ATRNL1: variants seen among roughly 807,000 people sequenced by gnomAD.
ATRNL1 encodes attractin-like protein 1.
A neutral mutation model predicts 182.7 loss-of-function variants in ATRNL1; 95 were observed. The ratio of observed to expected loss-of-function variants is 0.52; its 90% CI spans 0.44 to 0.62. The LOEUF is 0.62. Among genes scored for constraint, ATRNL1 ranks in the 20% least tolerant of loss-of-function variants. The pLI is 0.00. For synonymous variants in ATRNL1, 576 were observed against 568.3 expected (o/e 1.01, Z -0.19); for missense variants, 1,471 against 1,679.5 (o/e 0.88, Z 2.17).
chr10:115,486,701 C>A (rs886961961), intron 24 of ATRNL1, among the ~76,000 whole-genome samples: 14 of 152,176 alleles, frequency 9.2e-5, no homozygotes, highest in African/African-American at 2.9e-4. Flanking sequence ...TGCCTGTTCA[C>A]TCTGATAATA....
At chr10:115,469,898 T>A (rs1167334918) in intron 24 of ATRNL1, among the ~76,000 whole-genome samples, 1 of 150,582 alleles carries the variant, frequency 6.6e-6, no homozygotes, top group East Asian at 1.9e-4. Context: ...ATTCTTTCTA[T>A]CTTATAGTCA....
At chr10:115,874,545 T>A (rs989499621) in intron 28 of ATRNL1, among the ~76,000 whole-genome samples, 2 of 152,238 alleles carry the variant, frequency 1.3e-5, no homozygotes, top group African/African-American at 4.8e-5. Flanking sequence ...AACATTTAGA[T>A]AATCACTTCT....
chr10:115,407,525 C>G (rs1844891060), intron 20 of ATRNL1, among the ~76,000 whole-genome samples: 1 of 151,928 alleles, frequency 6.6e-6, no homozygotes, highest in Non-Finnish European at 1.5e-5. Flanking sequence ...CATGTAATGT[C>G]TTCCAGTTCC....
chr10:115,381,813 A>G (rs76788648), intron 19 of ATRNL1, among the ~76,000 whole-genome samples: 1,900 of 151,876 alleles, frequency 0.013, 35 homozygotes, highest in African/African-American at 0.043. Context: ...TTTTCTGGAG[A>G]GCTTTATAAT....
intron 26 of ATRNL1, among the ~76,000 whole-genome samples, chr10:115,621,276 T>TATATATAGAGAGAGAGAG (rs1268020830): frequency 5.9e-4 from 28 of 47,572 alleles, no homozygotes; most frequent in Middle Eastern, 0.015. Flanking sequence ...TATATATATA[T>TATATATAGAGAGAGAGAG]AGAGAGAGAG....
chr10:115,315,867 A>G, intron 18 of ATRNL1, 131 bp downstream of exon 18: 1 of 704,414 alleles, frequency 1.4e-6, no homozygotes, highest in South Asian at 2.0e-5. Flanking sequence ...AATGTCAAAG[A>G]TAAAAAATTA....
intron 5 of ATRNL1, among the ~76,000 whole-genome samples, chr10:115,145,224 G>T (rs1306165021): frequency 6.6e-6 from 1 of 152,146 alleles, no homozygotes; most frequent in African/African-American, 2.4e-5. Context: ...AAGGAGATGG[G>T]TTGGGGTAGG....
At chr10:115,249,918 T>G (rs1414449933) in intron 10 of ATRNL1, among the ~76,000 whole-genome samples, 1 of 152,202 alleles carries the variant, frequency 6.6e-6, no homozygotes, top group Non-Finnish European at 1.5e-5. Flanking sequence ...TAGGAGACTT[T>G]TTAGTGTAAG....
chr10:115,142,571 AC>A (rs1554878307), intron 5 of ATRNL1, among the ~76,000 whole-genome samples: 1 of 152,168 alleles, frequency 6.6e-6, no homozygotes, highest in Non-Finnish European at 1.5e-5. Flanking sequence ...TTTGACTCTT[AC>A]CCTAAGTGAA....
At chr10:115,525,746 C>T (rs1273768112) in intron 25 of ATRNL1, among the ~76,000 whole-genome samples, 2 of 152,130 alleles carry the variant, frequency 1.3e-5, no homozygotes, top group Admixed American at 1.3e-4. Context: ...AACAAGTTTG[C>T]TCCATTCCCT....
intron 28 of ATRNL1, among the ~76,000 whole-genome samples, chr10:115,870,795 T>A (rs1202691905): frequency 1.3e-5 from 2 of 152,240 alleles, no homozygotes; most frequent in Admixed American, 6.5e-5. Flanking sequence ...AGCTGTGTGA[T>A]CTTAGGCAAG....
chr10:115,780,248 C>G (rs559629222), intron 27 of ATRNL1, among the ~76,000 whole-genome samples: 1 of 152,172 alleles, frequency 6.6e-6, no homozygotes, highest in African/African-American at 2.4e-5. Flanking sequence ...CCAGCACGCA[C>G]AGAGGGAGCA....
At chr10:115,715,917 G>A (rs1947235398) in intron 26 of ATRNL1, among the ~76,000 whole-genome samples, 1 of 152,118 alleles carries the variant, frequency 6.6e-6, no homozygotes, top group South Asian at 2.1e-4. Flanking sequence ...TTCCAAATCT[G>A]GGAATGAGTT....
Position 115,215,836 on chromosome 10 carries a change from A to G in ATRNL1, c.1488A>G (p.Gly496=). Residue 496 remains glycine (G), a synonymous_variant, in exon 9 of 29, where the codon GGA becomes GGG. Coordinates refer to ENST00000355044, the MANE Select transcript of ATRNL1 (RefSeq NM_207303.4). The part of the protein sequence containing the change: ...GYKALPGNKY[G]LVDDLYKYEV... The stretch of plus-strand genomic sequence containing the variant: ...AAGCATTGCCAGGGAACAAATATGG[A>G]TTGGTTGATGATCTTTATAAATATG... 1 of 1,595,414 alleles carries G rather than the reference A, an allele frequency of 6.3e-7. No homozygotes were observed.
At chr10:115,353,032 A>G (rs1266321412) in intron 19 of ATRNL1, among the ~76,000 whole-genome samples, 1 of 152,222 alleles carries the variant, frequency 6.6e-6, no homozygotes, top group Non-Finnish European at 1.5e-5. Flanking sequence ...AGAAGAATGT[A>G]TATTTTTCAC....
At chr10:115,629,164 A>G (rs918437811) in intron 26 of ATRNL1, among the ~76,000 whole-genome samples, 1 of 152,236 alleles carries the variant, frequency 6.6e-6, no homozygotes, top group Non-Finnish European at 1.5e-5. Flanking sequence ...AAATTAAGAT[A>G]TAATTATGTA....
intron 26 of ATRNL1, among the ~76,000 whole-genome samples, chr10:115,652,815 G>A (rs1246576699): frequency 6.6e-6 from 1 of 151,964 alleles, no homozygotes; most frequent in East Asian, 1.9e-4. Flanking sequence ...GAATTTTTCT[G>A]AGGTTATCTT....
chr10:115,752,176 A>C (rs1948467443), intron 27 of ATRNL1, among the ~76,000 whole-genome samples: 1 of 152,094 alleles, frequency 6.6e-6, no homozygotes, highest in African/African-American at 2.4e-5. Flanking sequence ...GGAGTTCATT[A>C]AAAATATTTA....
chr10:115,376,322 C>A (rs1212393664), intron 19 of ATRNL1, among the ~76,000 whole-genome samples: 3 of 152,026 alleles, frequency 2.0e-5, no homozygotes, highest in Non-Finnish European at 4.4e-5. Context: ...CAGGATCTTG[C>A]TTTGTTGCCC....
Sources: allele counts gnomAD v4.1 joint callset (sites outside exome capture counted in the v4.1 genomes callset), GRCh38; gene constraint gnomAD v4.1.1; transcripts MANE v1.5; gene names NCBI Gene and HGNC (gene_info 2026-07-23, HGNC 2026-07-21).